PASD1: variants seen among roughly 807,000 people sequenced by gnomAD.
PASD1 encodes the protein PAS domain containing repressor 1, also known as circadian clock protein PASD1.
In PASD1, 13 loss-of-function variants were observed where a neutral mutation model predicts 58.8. The observed-to-expected ratio is 0.22, with a 90% CI of 0.14 to 0.35. The LOEUF is 0.35. Among genes scored for constraint, PASD1 ranks in the 10% least tolerant of loss-of-function variants. PASD1 has a pLI of 1.00. For synonymous variants in PASD1, 236 were observed against 216.7 expected (o/e 1.09, Z -0.78); for missense variants, 734 against 568.3 (o/e 1.29, Z -2.96).
In PASD1 at chrX:151,672,288, A is replaced by C. The variant is rs913709249; in HGVS notation, c.1543A>C (p.Met515Leu). 2 of 1,168,421 alleles carry C rather than the reference A, an allele frequency of 1.7e-6. No homozygotes were observed. Among genetic ancestry groups the C allele is most frequent in the Admixed American group, 5.1e-5 (2 of 38,848 alleles). The change falls in exon 14 of 16, where the codon ATG (methionine) becomes CTG (leucine). Residue 515 changes from methionine to leucine, a missense_variant. By Grantham distance (15) the Met-to-Leu change is conservative (BLOSUM62 2). Transcript: ENST00000370357. ...AAGGAAGGTGCAGAAGCAGAAGAAG[A>C]TGCAGGAGAAGAAGAAGCTGCAGGA... ...EQRKVQKQKK[M>L]QEKKKLQEQK...
At chrX:151,639,622 C>T (rs1162934496) in intron 8 of PASD1, among the ~76,000 whole-genome samples, 1 of 111,712 alleles carries the variant, frequency 9.0e-6, no homozygotes, top group African/African-American at 3.3e-5. Flanking sequence ...CTCCTGGTGC[C>T]CAGTTCGGAA....
In PASD1 at chrX:151,676,229, C is replaced by T. The variant is rs762876482; in HGVS notation, c.*86C>T. ...GCATGGCCAGGGGACCTTCAAGGTG[C>T]GTAAAGTCCCTTGGGGTAGGGTTTA... On this transcript the variant is annotated 3_prime_UTR_variant, in exon 16 of 16. Coordinates refer to ENST00000370357, the MANE Select transcript of PASD1 (RefSeq NM_173493.3). 6.9e-5 allele frequency: 69 copies of T among 1,001,533 alleles called. No homozygotes were observed. Among genetic ancestry groups the T allele is most frequent in the South Asian group, 9.6e-5 (4 of 41,788 alleles). The allele number at this position is 1,001,533 out of a possible 1,213,427, so 82.5% of individuals were successfully genotyped here. A position where few individuals can be genotyped will look rare whatever the true frequency, so the allele number is the denominator to read the frequency against.
intron 8 of PASD1, among the ~76,000 whole-genome samples, chrX:151,641,938 A>G (rs1051858057): frequency 8.9e-6 from 1 of 112,041 alleles, no homozygotes; most frequent in East Asian, 2.8e-4. Flanking sequence ...TTCAAATAGC[A>G]CACTCCTTCC....
chrX:151,634,926 C>G, intron 8 of PASD1, among the ~76,000 whole-genome samples: 1 of 111,834 alleles, frequency 8.9e-6, no homozygotes, highest in East Asian at 2.8e-4. Context: ...TTTTTACCCA[C>G]TAGTCTTAGT....
chrX:151,584,312 G>A (rs1289720904), intron 1 of PASD1, among the ~76,000 whole-genome samples: 1 of 111,623 alleles, frequency 9.0e-6, no homozygotes. Context: ...CATGCTTTGG[G>A]AATAATGAAA....
At position 151,676,070 on chromosome X, in the gene PASD1, C is replaced by G. The variant is rs774242929; in HGVS notation, c.2249C>G (p.Pro750Arg). 8.3e-7 allele frequency: 1 copy of G among 1,209,418 alleles called. No individual in the cohort carries two copies. Among genetic ancestry groups the G allele is most frequent in the African/African-American group, 1.8e-5 (1 of 57,085 alleles). ...QAFQGPAAYQPDQMRSAEQTR... is the reference protein window; with the variant it reads ...QAFQGPAAYQRDQMRSAEQTR... ...TTCCAAGGCCCTGCTGCATACCAGCCAGACCAGATGAGATCTGCGGAGCAG... is the reference window on the plus strand; with the variant it reads ...TTCCAAGGCCCTGCTGCATACCAGCGAGACCAGATGAGATCTGCGGAGCAG... The change falls in exon 16 of 16, where the codon CCA (proline) becomes CGA (arginine). Residue 750 changes from proline (P) to arginine (R), a missense_variant. Coordinates refer to ENST00000370357, the MANE Select transcript of PASD1 (RefSeq NM_173493.3).
At position 151,631,832 on chromosome X, in the gene PASD1, G is replaced by A. The variant is rs138189230; in HGVS notation, c.629+6302G>A. ...TCTTTTTACCATACTATACTATACC[G>A]TATTGACTCCATTCCTTATGTCTGT... is the stretch of plus-strand genomic sequence containing the variant. On this transcript the variant is annotated intron_variant, in intron 8 of 15. Transcript: ENST00000370357. Among the ~76,000 whole-genome samples the A allele has an allele frequency of 2.7e-3, 298 of 112,081 alleles. 1 individual carries two copies. The highest frequency in any genetic ancestry group is 9.3e-3 in the African/African-American group (287 of 30,875).
chrX:151,669,799 G>A (rs2014440758), intron 11 of PASD1, among the ~76,000 whole-genome samples: 2 of 111,855 alleles, frequency 1.8e-5, no homozygotes, highest in African/African-American at 3.2e-5. Flanking sequence ...GTCTGTTGAT[G>A]AATACTTGGG....
intron 3 of PASD1, among the ~76,000 whole-genome samples, chrX:151,605,381 T>G (rs760564545): frequency 1.8e-5 from 2 of 111,530 alleles, no homozygotes; most frequent in South Asian, 3.8e-4. Flanking sequence ...TTGGCAATAT[T>G]AGACGCCTGG....
Position 151,642,649 on chromosome X carries a change from TATC to T in PASD1, c.630-5961_630-5959del, listed in dbSNP as rs746382619. ...GCATGTTTTCAGATTTTATCACCAA[TATC>T]ATCAAATGACTTATTTGCCAAATTT... On this transcript the variant is annotated intron_variant, in intron 8 of 15. Transcript: ENST00000370357. Among the ~76,000 whole-genome samples, 7 of 112,366 alleles carry T rather than the reference TATC, an allele frequency of 6.2e-5. No homozygotes were observed. The East Asian group carries it at 1.7e-3, about 27-fold the overall frequency.
At chrX:151,566,650 C>A (rs1441896250) in intron 1 of PASD1, among the ~76,000 whole-genome samples, 1 of 112,008 alleles carries the variant, frequency 8.9e-6, no homozygotes, top group East Asian at 2.8e-4. Context: ...TATCAGATTT[C>A]AGATTTTGGA....
chrX:151,631,969 G>T (rs930875575), intron 8 of PASD1, among the ~76,000 whole-genome samples: 62 of 111,497 alleles, frequency 5.6e-4, no homozygotes, highest in African/African-American at 2.0e-3. Context: ...AAAATAGTTA[G>T]CATCTGCTAT....
At chrX:151,573,901 T>C (rs2012962950) in intron 1 of PASD1, among the ~76,000 whole-genome samples, 1 of 112,294 alleles carries the variant, frequency 8.9e-6, no homozygotes, top group African/African-American at 3.2e-5. Flanking sequence ...ACACATGTGA[T>C]TGTAATAGGA....
In PASD1 at chrX:151,664,100, CCT is replaced by C. The variant is rs748058684; in HGVS notation, c.842-18_842-17del. ...TTTTGCTTTTTAAGTCATGAACTCC[CCT>C]GTGCTTTCTTCCTCAGCCTTATCCT... On this transcript the variant is annotated splice_polypyrimidine_tract_variant and intron_variant, in intron 10 of 15. Coordinates refer to ENST00000370357, the MANE Select transcript of PASD1 (RefSeq NM_173493.3). The C allele has an allele frequency of 5.8e-6, 7 of 1,211,277 alleles. No homozygotes were observed. The South Asian group carries it at 1.2e-4, about 21-fold the overall frequency.
intron 7 of PASD1, among the ~76,000 whole-genome samples, chrX:151,624,054 G>A (rs2013753285): frequency 9.0e-6 from 1 of 111,665 alleles, no homozygotes; most frequent in African/African-American, 3.3e-5. Context: ...TTTTTTAAAG[G>A]TCAGGCTGAA....
chrX:151,589,686 G>C (rs1467544555), intron 1 of PASD1, among the ~76,000 whole-genome samples: 1 of 111,975 alleles, frequency 8.9e-6, no homozygotes, highest in Non-Finnish European at 1.9e-5. Context: ...TTTAAACCCA[G>C]GTCCAATTGA....
intron 1 of PASD1, among the ~76,000 whole-genome samples, chrX:151,601,062 G>A (rs1464222096): frequency 1.8e-5 from 2 of 112,102 alleles, no homozygotes; most frequent in Non-Finnish European, 3.8e-5. Context: ...CAACAATAAT[G>A]CAAATTTTTC....
intron 13 of PASD1, 135 bp from the exon 14 acceptor site, chrX:151,672,048 C>T (rs768449359): frequency 5.2e-5 from 52 of 1,006,982 alleles, no homozygotes; most frequent in Middle Eastern, 3.9e-4. Flanking sequence ...TAGACAGTCA[C>T]ACAGATCACT....
chrX:151,576,569 A>G (rs1358088360), intron 1 of PASD1, among the ~76,000 whole-genome samples: 1 of 112,420 alleles, frequency 8.9e-6, no homozygotes, highest in Non-Finnish European at 1.9e-5. Context: ...CTTTAAATGT[A>G]GCACTCTTCT....
Sources: gnomAD v4.1 joint callset for allele counts (sites outside exome capture counted in the v4.1 genomes callset) on GRCh38, gnomAD v4.1.1 for gene constraint, MANE v1.5 for transcripts, NCBI Gene and HGNC (gene_info 2026-07-23, HGNC 2026-07-21) for gene names.